Variants in TASP1 observed in about 807,000 individuals in gnomAD.
TASP1 encodes taspase 1, also known as threonine aspartase 1.
Under a neutral mutation model 56.6 loss-of-function variants are expected in TASP1, and 16 were observed. The observed-to-expected ratio is 0.28, with a 90% CI of 0.19 to 0.43. TASP1 has a LOEUF of 0.43. Among genes scored for constraint, TASP1 ranks in the 20% least tolerant of loss-of-function variants. The pLI is 1.00. For synonymous variants in TASP1, 179 were observed against 184.2 expected, an observed-to-expected ratio of 0.97 and a Z score of 0.23; for missense variants, 393 against 511.6, an observed-to-expected ratio of 0.77 and a Z score of 2.24.
intron 13 of TASP1, among the ~76,000 whole-genome samples, chr20:13,406,434 C>A (rs1236187888): frequency 1.3e-5 from 2 of 152,134 alleles, no homozygotes; most frequent in Non-Finnish European, 2.9e-5. Context: ...ATGGCTTTTA[C>A]TATTTCTTTT....
At chr20:13,448,647 T>C (rs1420527186) in intron 11 of TASP1, among the ~76,000 whole-genome samples, 2 of 152,102 alleles carry the variant, frequency 1.3e-5, no homozygotes, top group African/African-American at 4.8e-5. Context: ...AGTAGACTTG[T>C]ACATAATTTA....
At chr20:13,165,965 C>T in the TASP1 span, 1 of 152,360 alleles carries the variant, frequency 6.6e-6, no homozygotes, top group Non-Finnish European at 1.5e-5. Context: ...TGTGTTCTCT[C>T]TTTCTTGCTC....
chr20:13,499,473 AAAAG>A (rs1243573474), intron 10 of TASP1, among the ~76,000 whole-genome samples: 8 of 151,726 alleles, frequency 5.3e-5, no homozygotes, highest in Admixed American at 1.3e-4. Flanking sequence ...TAAAAAAAAA[AAAAG>A]AAAGAAAGAG....
chr20:13,393,247 C>A, intron 13 of TASP1: 1 of 738,082 alleles, frequency 1.4e-6, no homozygotes, highest in East Asian at 2.8e-5. Context: ...GATGGCCCCT[C>A]CGGGAAACTG....
chr20:13,596,839 G>C (rs1220347063), intron 4 of TASP1, among the ~76,000 whole-genome samples: 1 of 152,054 alleles, frequency 6.6e-6, no homozygotes, highest in Non-Finnish European at 1.5e-5. Flanking sequence ...AATAAAAAAT[G>C]ATAAAGAAGA....
At chr20:13,616,718 G>A (rs2048537126) in intron 4 of TASP1, 2 of 158,492 alleles carry the variant, frequency 1.3e-5, no homozygotes, top group Non-Finnish European at 2.8e-5. Context: ...GAGAGCATGT[G>A]TCATTTCTAG....
chr20:13,534,271 A>T (rs906812668), intron 8 of TASP1, 130 bp from the exon 9 acceptor site: 1 of 1,097,782 alleles, frequency 9.1e-7, no homozygotes, highest in South Asian at 2.6e-5. Context: ...AACATTGAGC[A>T]ATCTCCTAAA....
At chr20:13,469,947 T>C (rs1344437134) in intron 11 of TASP1, among the ~76,000 whole-genome samples, 6 of 151,720 alleles carry the variant, frequency 4.0e-5, no homozygotes, top group Non-Finnish European at 8.8e-5. Flanking sequence ...TAGCAGGAAC[T>C]ATAGGCACCT....
At chr20:13,309,090 A>G in the TASP1 span, among the ~76,000 whole-genome samples, 3 of 152,182 alleles carry the variant, frequency 2.0e-5, no homozygotes, top group Admixed American at 2.0e-4. Flanking sequence ...CAGTATATGA[A>G]AGTAGTATAC....
intron 8 of TASP1, among the ~76,000 whole-genome samples, chr20:13,538,678 C>G (rs1202821844): frequency 5.9e-5 from 9 of 152,184 alleles, no homozygotes; most frequent in Non-Finnish European, 1.3e-4. Flanking sequence ...AGCTCTATAT[C>G]TCTCACAAAT....
chr20:13,221,212 C>CCCT, the TASP1 span, among the ~76,000 whole-genome samples: 498 of 78,668 alleles, frequency 6.3e-3, 10 homozygotes, highest in East Asian at 9.2e-3. Flanking sequence ...GCAGCTGAAG[C>CCCT]CCTCCTACTC....
At chr20:13,481,111 A>C (rs1236942022) in intron 11 of TASP1, among the ~76,000 whole-genome samples, 1 of 151,910 alleles carries the variant, frequency 6.6e-6, no homozygotes, top group African/African-American at 2.4e-5. Context: ...GTCCTCCACT[A>C]CCTTCCATGA....
chr20:13,426,863 G>A (rs1272529435), intron 12 of TASP1, among the ~76,000 whole-genome samples: 2 of 152,120 alleles, frequency 1.3e-5, no homozygotes, highest in Non-Finnish European at 2.9e-5. Flanking sequence ...CCAAAACATT[G>A]CTGAGGCAAC....
At chr20:13,559,385 C>T (rs1237664913) in intron 7 of TASP1, among the ~76,000 whole-genome samples, 2 of 152,054 alleles carry the variant, frequency 1.3e-5, no homozygotes, top group African/African-American at 4.8e-5. Context: ...TGCAAGCCTC[C>T]TCCAACTGTC....
intron 10 of TASP1, among the ~76,000 whole-genome samples, chr20:13,497,319 G>A (rs2043769777): frequency 1.3e-5 from 2 of 152,198 alleles, no homozygotes; most frequent in Admixed American, 1.3e-4. Flanking sequence ...GTAAAAAAGA[G>A]CTGAAAGAAA....
At chr20:13,372,712 A>G in the TASP1 span, among the ~76,000 whole-genome samples, 1 of 150,818 alleles carries the variant, frequency 6.6e-6, no homozygotes, top group African/African-American at 2.4e-5. Flanking sequence ...CTCTATTCCT[A>G]TTTTACTGCT....
chr20:13,637,437 C>T (rs1373811009), intron 1 of TASP1, among the ~76,000 whole-genome samples: 1 of 152,182 alleles, frequency 6.6e-6, no homozygotes, highest in Admixed American at 6.5e-5. Context: ...AACTTGTACA[C>T]AGATGTTTAT....
chr20:13,194,167 T>C, the TASP1 span, among the ~76,000 whole-genome samples: 16 of 151,976 alleles, frequency 1.1e-4, no homozygotes, highest in Admixed American at 1.1e-3. Flanking sequence ...AAAAAATGTT[T>C]CTATTGAAGA....
the TASP1 span, among the ~76,000 whole-genome samples, chr20:13,115,933 C>T: frequency 6.6e-6 from 1 of 152,166 alleles, no homozygotes; most frequent in South Asian, 2.1e-4. Flanking sequence ...GCTTAGGCAG[C>T]CAGATGGCCA....
Sources: allele counts gnomAD v4.1 joint callset (sites outside exome capture counted in the v4.1 genomes callset), GRCh38; gene constraint gnomAD v4.1.1; transcripts MANE v1.5; gene names NCBI Gene and HGNC (gene_info 2026-07-23, HGNC 2026-07-21).